Variants in PRKCE observed in about 807,000 individuals in gnomAD.
PRKCE encodes the protein protein kinase C epsilon, also known as protein kinase C epsilon type.
A neutral mutation model predicts 85.4 loss-of-function variants in PRKCE; 16 were observed. The observed-to-expected ratio is 0.19, with a 90% confidence interval of 0.13 to 0.28. PRKCE has a LOEUF of 0.28. Among genes scored for constraint, PRKCE ranks in the 10% least tolerant of loss-of-function variants. The pLI is 1.00. For missense variants in PRKCE, 573 were observed against 975.2 expected (o/e 0.59, Z 5.49); for synonymous variants, 388 against 371.5 (o/e 1.04, Z -0.51).
rs1331358495 is a variant in PRKCE, at chr2:45,958,808, ATATATATATTTTTTTTTTTT to A, written c.413-17619_413-17600del. Among the ~76,000 whole-genome samples the A allele has an allele frequency of 6.7e-3, 159 of 23,816 alleles. 2 individuals are homozygous for A. The highest frequency in any genetic ancestry group is 0.027 in the African/African-American group (153 of 5,620). The allele number at this position is 23,816 out of a possible 152,430, so 15.6% of individuals were successfully genotyped here. On this transcript the variant is annotated intron_variant, in intron 2 of 14. Transcript: ENST00000306156. Reference sequence around the variant, plus strand: ...CTTTAAAACATATATATATATATATATATATATATTTTTTTTTTTTTTTTTTTTTTTTTTTTTTTTTTTTT... The same window carrying A: ...CTTTAAAACATATATATATATATATATTTTTTTTTTTTTTTTTTTTTTTTT...
chr2:46,093,905 A>C (rs1346375778), intron 11 of PRKCE, among the ~76,000 whole-genome samples: 2 of 152,132 alleles, frequency 1.3e-5, no homozygotes, highest in African/African-American at 4.8e-5. Flanking sequence ...ACTGTGAAAT[A>C]CCATTTGGAA....
chr2:45,936,322 C>T (rs1051095427), intron 2 of PRKCE, among the ~76,000 whole-genome samples: 1 of 152,194 alleles, frequency 6.6e-6, no homozygotes, highest in Non-Finnish European at 1.5e-5. Flanking sequence ...AGTAATAGCT[C>T]AGGAACCCGT....
At chr2:45,980,512 A>T in intron 5 of PRKCE, 131 bp downstream of exon 5, 1 of 848,836 alleles carries the variant, frequency 1.2e-6, no homozygotes. Flanking sequence ...ATAAAAAAAC[A>T]AAGGGAGCTG....
intron 12 of PRKCE, among the ~76,000 whole-genome samples, chr2:46,146,774 C>T (rs1029843731): frequency 2.5e-4 from 38 of 152,218 alleles, no homozygotes; most frequent in Non-Finnish European, 7.3e-5. Context: ...TTATGACATT[C>T]CAACATGAGC....
intron 2 of PRKCE, among the ~76,000 whole-genome samples, chr2:45,922,441 C>T (rs1947194): frequency 0.27 from 41,474 of 152,070 alleles, 6,153 homozygotes; most frequent in South Asian, 0.34. Context: ...ACACAGGAGT[C>T]AGAAGCAACT....
At chr2:45,789,585 C>A (rs1455181482) in intron 1 of PRKCE, among the ~76,000 whole-genome samples, 1 of 152,106 alleles carries the variant, frequency 6.6e-6, no homozygotes, top group Non-Finnish European at 1.5e-5. Flanking sequence ...AGCTAATGAT[C>A]ATGCCACTGC....
chr2:45,816,275 T>C (rs1349100279), intron 1 of PRKCE, among the ~76,000 whole-genome samples: 1 of 152,104 alleles, frequency 6.6e-6, no homozygotes. Flanking sequence ...CTGCTATGAA[T>C]ATAGAAGGAG....
intron 10 of PRKCE, among the ~76,000 whole-genome samples, chr2:46,045,413 A>T (rs1399017378): frequency 3.9e-5 from 6 of 152,232 alleles, no homozygotes; most frequent in African/African-American, 1.4e-4. Flanking sequence ...TGACTTATTT[A>T]TCCCTCAGTC....
At chr2:46,090,460 A>G (rs922906584) in intron 11 of PRKCE, among the ~76,000 whole-genome samples, 4 of 151,368 alleles carry the variant, frequency 2.6e-5, no homozygotes, top group African/African-American at 7.3e-5. Flanking sequence ...GTGATTGAGA[A>G]CTCCACCTGA....
intron 2 of PRKCE, among the ~76,000 whole-genome samples, chr2:45,953,743 C>T (rs990043058): frequency 1.3e-5 from 2 of 152,200 alleles, no homozygotes; most frequent in Non-Finnish European, 2.9e-5. Context: ...GGGCTCCCCC[C>T]GAAGAGATTG....
At chr2:45,783,843 T>C (rs72870711) in intron 1 of PRKCE, among the ~76,000 whole-genome samples, 18,314 of 152,198 alleles carry the variant, frequency 0.12, 2,683 homozygotes, top group African/African-American at 0.35. Flanking sequence ...AATCTGAATG[T>C]GTAGTGCTGG....
At chr2:46,023,089 C>CAAAAAAA (rs397984467) in intron 10 of PRKCE, among the ~76,000 whole-genome samples, 2,125 of 71,396 alleles carry the variant, frequency 0.03, 287 homozygotes, top group Middle Eastern at 0.083. Context: ...GACTCCGTCT[C>CAAAAAAA]AAAAAAAAAA....
intron 1 of PRKCE, among the ~76,000 whole-genome samples, chr2:45,746,731 A>T (rs1040265294): frequency 6.6e-6 from 1 of 152,086 alleles, no homozygotes; most frequent in African/African-American, 2.4e-5. Flanking sequence ...GGCTTGTTTT[A>T]CTTAGCATAA....
intron 10 of PRKCE, among the ~76,000 whole-genome samples, chr2:46,035,244 A>G (rs1032204531): frequency 5.3e-5 from 8 of 152,252 alleles, no homozygotes; most frequent in African/African-American, 1.9e-4. Context: ...GATTTCTTTG[A>G]TACCTCTAGA....
chr2:46,024,021 G>T (rs1043041401), intron 10 of PRKCE, among the ~76,000 whole-genome samples: 3 of 152,308 alleles, frequency 2.0e-5, no homozygotes, highest in East Asian at 3.9e-4. Flanking sequence ...AAGCGGCAGA[G>T]CCTAAATTCA....
intron 1 of PRKCE, among the ~76,000 whole-genome samples, chr2:45,661,228 G>A (rs1337507735): frequency 6.6e-6 from 1 of 152,160 alleles, no homozygotes; most frequent in Non-Finnish European, 1.5e-5. Flanking sequence ...TGTTGCCCAG[G>A]CTGGAGTGCA....
At position 45,884,320 on chromosome 2, in the gene PRKCE, G is replaced by A. The variant is rs773520863; in HGVS notation, c.412+41257G>A. Reference sequence around the variant, plus strand: ...ACTCACTTGTTGAAAGGATGCCTATGATAAAGTCTCCCTTTTATTGCTGGG... The same window carrying A: ...ACTCACTTGTTGAAAGGATGCCTATAATAAAGTCTCCCTTTTATTGCTGGG... On this transcript the variant is annotated intron_variant, in intron 2 of 14. Transcript: ENST00000306156. Among the ~76,000 whole-genome samples the A allele has an allele frequency of 4.6e-5, 7 of 152,332 alleles. No homozygotes were observed. In the South Asian group the frequency reaches 8.3e-4, roughly 18 times the overall value.
chr2:45,662,942 C>T (rs1675744099), intron 1 of PRKCE, among the ~76,000 whole-genome samples: 1 of 152,178 alleles, frequency 6.6e-6, no homozygotes, highest in South Asian at 2.1e-4. Context: ...GCCTTCTGCA[C>T]TGATGATTAT....
intron 1 of PRKCE, among the ~76,000 whole-genome samples, chr2:45,719,917 C>T (rs368098000): frequency 2.6e-5 from 4 of 152,114 alleles, no homozygotes; most frequent in Non-Finnish European, 5.9e-5. Context: ...GAAAAAGACC[C>T]TGTCTCCTAA....
Sources: allele counts gnomAD v4.1 joint callset (sites outside exome capture counted in the v4.1 genomes callset), GRCh38; gene constraint gnomAD v4.1.1; transcripts MANE v1.5; gene names NCBI Gene and HGNC (gene_info 2026-07-23, HGNC 2026-07-21).